ARHGAP10: variants seen among roughly 807,000 people sequenced by gnomAD.
ARHGAP10 encodes rho GTPase-activating protein 10.
A neutral mutation model predicts 108.6 loss-of-function variants in ARHGAP10; 87 were observed. The observed-to-expected ratio is 0.80, with a 90% CI of 0.67 to 0.96. The LOEUF (loss-of-function observed/expected upper bound fraction) is 0.96. Among genes scored for constraint, ARHGAP10 ranks in the 40% least tolerant of loss-of-function variants. The pLI, the probability that ARHGAP10 is intolerant of heterozygous loss-of-function variation, is 0.00. For missense variants in ARHGAP10, 939 were observed against 954.5 expected (o/e 0.98, Z 0.21); for synonymous variants, 347 against 341.1 (o/e 1.02, Z -0.19).
At chr4:148,070,174 G>A (rs569037954) in intron 22 of ARHGAP10, among the ~76,000 whole-genome samples, 2 of 152,254 alleles carry the variant, frequency 1.3e-5, no homozygotes, top group East Asian at 1.9e-4. Context: ...ATATATACAC[G>A]TATGCCTGCA....
At chr4:147,860,383 A>G (rs1027249616) in intron 5 of ARHGAP10, among the ~76,000 whole-genome samples, 1 of 152,206 alleles carries the variant, frequency 6.6e-6, no homozygotes, top group Non-Finnish European at 1.5e-5. Flanking sequence ...TGGAGCTTGC[A>G]GTGAGCCGAG....
Position 148,059,988 on chromosome 4 carries a change from G to A in ARHGAP10, c.2028-3160G>A, listed in dbSNP as rs573758932. On this transcript the variant is annotated intron_variant, in intron 20 of 22. Coordinates refer to ENST00000336498, the MANE Select transcript of ARHGAP10 (RefSeq NM_024605.4). ...GCCCACTCTTTGAGAGAGAGAGAGA[G>A]AGAGAGGGGAGAGAGAGGAGAGAGA... Among the ~76,000 whole-genome samples the A allele has an allele frequency of 1.6e-3, 226 of 140,798 alleles. 1 individual carries two copies. The highest frequency in any genetic ancestry group is 2.7e-3 in the Non-Finnish European group (178 of 65,292). The allele number at this position is 140,798 out of a possible 152,430, so 92.4% of individuals were successfully genotyped here.
At chr4:147,878,774 C>CTTTTTT (rs11384854) in intron 8 of ARHGAP10, among the ~76,000 whole-genome samples, 13 of 124,878 alleles carry the variant, frequency 1.0e-4, no homozygotes, top group East Asian at 2.3e-4. Flanking sequence ...CCTTCTTCCT[C>CTTTTTT]TTTTTTTTTT....
chr4:147,909,833 G>T, intron 12 of ARHGAP10, 56 bp downstream of exon 12: 1 of 1,525,260 alleles, frequency 6.6e-7, no homozygotes, highest in Non-Finnish European at 9.1e-7. Flanking sequence ...ATTACTTTGT[G>T]TACATTATGC....
chr4:148,055,829 C>T (rs147313857), intron 20 of ARHGAP10, among the ~76,000 whole-genome samples: 48 of 152,252 alleles, frequency 3.2e-4, no homozygotes, highest in Admixed American at 2.4e-3. Context: ...TGCAGGAAAG[C>T]ACTGGGTATG....
At chr4:147,884,425 A>G (rs1164580886) in intron 10 of ARHGAP10, among the ~76,000 whole-genome samples, 1 of 152,168 alleles carries the variant, frequency 6.6e-6, no homozygotes, top group Non-Finnish European at 1.5e-5. Context: ...TCTCTTTTCA[A>G]ATAAAATTTC....
intron 1 of ARHGAP10, among the ~76,000 whole-genome samples, chr4:147,817,857 C>T (rs986872824): frequency 1.3e-5 from 2 of 152,178 alleles, no homozygotes; most frequent in Non-Finnish European, 2.9e-5. Context: ...AATTAGCAGG[C>T]AGAAGAGAAT....
chr4:147,865,787 T>G (rs575831210), intron 6 of ARHGAP10: 43 of 152,310 alleles, frequency 2.8e-4, no homozygotes, highest in African/African-American at 9.9e-4. Flanking sequence ...GGAGCGATAG[T>G]CATTAACCTA....
In ARHGAP10 at chr4:147,998,495, G is replaced by A. The variant is rs571701781; in HGVS notation, c.1717-24768G>A. ...GAAAACTGCAAATTCTTTTTGTGACGTCAGCAGGGCACTAATGCCAAGTCT... is the reference window on the plus strand; with the variant it reads ...GAAAACTGCAAATTCTTTTTGTGACATCAGCAGGGCACTAATGCCAAGTCT... On this transcript the variant is annotated intron_variant, in intron 18 of 22. Coordinates refer to ENST00000336498, the MANE Select transcript of ARHGAP10 (RefSeq NM_024605.4). Among the ~76,000 whole-genome samples, 20 of 152,332 alleles carry A rather than the reference G, an allele frequency of 1.3e-4. No individual in the cohort carries two copies. In the East Asian group the frequency reaches 3.1e-3, roughly 23 times the overall value.
At chr4:147,751,945 G>A (rs893241881) in intron 1 of ARHGAP10, among the ~76,000 whole-genome samples, 1 of 150,260 alleles carries the variant, frequency 6.7e-6, no homozygotes, top group Non-Finnish European at 1.5e-5. Context: ...GAGTGCAGTG[G>A]CATGATCTCG....
intron 1 of ARHGAP10, among the ~76,000 whole-genome samples, chr4:147,787,699 C>A (rs1284831078): frequency 6.6e-6 from 1 of 152,166 alleles, no homozygotes; most frequent in Non-Finnish European, 1.5e-5. Context: ...CAACCAATTC[C>A]CCTGTTGTCC....
Position 147,929,456 on chromosome 4 carries a change from T to A in ARHGAP10, c.1229-10369T>A, listed in dbSNP as rs138095074. Among the ~76,000 whole-genome samples, 23 of 152,316 alleles carry A rather than the reference T, an allele frequency of 1.5e-4. No homozygotes were observed. The East Asian group carries it at 4.4e-3, about 29-fold the overall frequency. ...AATTGCTGAGTATCTTGGAAGAGTA[T>A]CTTTGTGTATGAACCTGTTTATTTT... On this transcript the variant is annotated intron_variant, in intron 13 of 22. Transcript: ENST00000336498.
intron 19 of ARHGAP10, among the ~76,000 whole-genome samples, chr4:148,041,912 G>C (rs556467617): frequency 6.6e-6 from 1 of 152,152 alleles, no homozygotes; most frequent in Non-Finnish European, 1.5e-5. Context: ...ATCCCTCAAC[G>C]TTCTTTTACT....
chr4:147,758,220 G>A (rs1036659791), intron 1 of ARHGAP10, among the ~76,000 whole-genome samples: 1 of 149,790 alleles, frequency 6.7e-6, no homozygotes, highest in African/African-American at 2.5e-5. Flanking sequence ...CCAAGATTGC[G>A]CCATTGCACT....
chr4:147,757,008 A>C (rs1729401358), intron 1 of ARHGAP10, among the ~76,000 whole-genome samples: 1 of 151,844 alleles, frequency 6.6e-6, no homozygotes, highest in African/African-American at 2.4e-5. Context: ...GTGCAGTTGC[A>C]GAGAGAGTGA....
chr4:147,771,018 C>T (rs2055551), intron 1 of ARHGAP10, among the ~76,000 whole-genome samples: 113,230 of 152,058 alleles, frequency 0.74, 48,068 homozygotes, highest in Non-Finnish European at 0.93. Flanking sequence ...ACCAGTAATA[C>T]TGGATTAGGG....
chr4:147,976,473 C>G (rs932612174), intron 18 of ARHGAP10, among the ~76,000 whole-genome samples: 1 of 151,898 alleles, frequency 6.6e-6, no homozygotes, highest in African/African-American at 2.4e-5. Context: ...AGACTCCCCC[C>G]CATCCCCAGT....
At chr4:147,998,442 A>G (rs1215025781) in intron 18 of ARHGAP10, among the ~76,000 whole-genome samples, 3 of 152,268 alleles carry the variant, frequency 2.0e-5, no homozygotes, top group Non-Finnish European at 4.4e-5. Context: ...ATCTTTGGAT[A>G]TTGAAACTGG....
At chr4:147,822,604 A>G (rs1344353913) in intron 1 of ARHGAP10, 123 bp from the exon 2 acceptor site, 2 of 958,298 alleles carry the variant, frequency 2.1e-6, no homozygotes, top group Non-Finnish European at 1.6e-6. Context: ...GAGTTGGGTC[A>G]TGCCTTCTCA....
Sources: gnomAD v4.1 joint callset for allele counts (sites outside exome capture counted in the v4.1 genomes callset) on GRCh38, gnomAD v4.1.1 for gene constraint, MANE v1.5 for transcripts, NCBI Gene and HGNC (gene_info 2026-07-23, HGNC 2026-07-21) for gene names.